The following PTPN13 variants were observed in gnomAD, a reference collection of about 807,000 sequenced individuals.
The protein encoded by PTPN13 is protein tyrosine phosphatase non-receptor type 13.
PTPN13 carries 191 observed loss-of-function variants against 284.0 expected under a neutral mutation model. The ratio of observed to expected loss-of-function variants is 0.67; its 90% CI spans 0.60 to 0.76. The LOEUF is 0.76. PTPN13 is among the 30% of genes least tolerant of loss of function. The pLI is 0.00. For missense variants in PTPN13, 2,797 were observed against 2,939.9 expected (o/e 0.95, Z 1.12); for synonymous variants, 986 against 1,022.3 (o/e 0.96, Z 0.68).
intron 2 of PTPN13, among the ~76,000 whole-genome samples, chr4:86,658,669 C>T (rs1402089341): frequency 6.6e-6 from 1 of 151,996 alleles, no homozygotes; most frequent in Non-Finnish European, 1.5e-5. Flanking sequence ...ATGAGAAGGT[C>T]CAACATACCT....
chr4:86,604,678 C>T (rs903210609), intron 1 of PTPN13, among the ~76,000 whole-genome samples: 11 of 151,728 alleles, frequency 7.2e-5, no homozygotes, highest in African/African-American at 2.2e-4. Context: ...CAGCATTATT[C>T]GACCATTTAA....
chr4:86,648,888 A>G (rs986247175), intron 2 of PTPN13, among the ~76,000 whole-genome samples: 1 of 152,150 alleles, frequency 6.6e-6, no homozygotes, highest in Non-Finnish European at 1.5e-5. Context: ...CCTCACCAAC[A>G]TTTATGATTG....
At position 86,751,044 on chromosome 4, in the gene PTPN13, G is replaced by A. The variant is rs772868411; in HGVS notation, c.3086G>A (p.Ser1029Asn). Residue 1029 changes from serine to asparagine, a missense_variant, in exon 19 of 48, where the codon AGT (serine) becomes AAT (asparagine). Coordinates refer to ENST00000411767, the MANE Select transcript of PTPN13 (RefSeq NM_080683.3). Reference sequence around the variant, plus strand: ...CTCTTCAGTTCAAAGTCTGTTGCGAGTTTAAATAGAAGTCCTGAAAGGAGG... The same window carrying A: ...CTCTTCAGTTCAAAGTCTGTTGCGAATTTAAATAGAAGTCCTGAAAGGAGG... ...TKLNNSKSVASLNRSPERRKH... is the reference protein window; with the variant it reads ...TKLNNSKSVANLNRSPERRKH... 38 of 1,607,804 alleles carry A rather than the reference G, an allele frequency of 2.4e-5. No individual in the cohort carries two copies. The highest frequency in any genetic ancestry group is 3.1e-5 in the Non-Finnish European group (36 of 1,174,914).
intron 2 of PTPN13, among the ~76,000 whole-genome samples, chr4:86,639,267 G>A (rs1415987361): frequency 6.6e-6 from 1 of 152,044 alleles, no homozygotes; most frequent in East Asian, 1.9e-4. Context: ...AAGTCAATGT[G>A]GCGATTCCTC....
At chr4:86,778,065 A>G (rs1740856741) in intron 35 of PTPN13, among the ~76,000 whole-genome samples, 1 of 152,140 alleles carries the variant, frequency 6.6e-6, no homozygotes, top group African/African-American at 2.4e-5. Context: ...CAGTCATGGT[A>G]GTCACAGTTA....
intron 1 of PTPN13, among the ~76,000 whole-genome samples, chr4:86,612,422 A>G (rs1720003567): frequency 1.3e-5 from 2 of 152,366 alleles, no homozygotes; most frequent in South Asian, 4.1e-4. Context: ...TGAACAGAAT[A>G]TCTGAGCTGT....
intron 15 of PTPN13, 68 bp downstream of exon 15, chr4:86,735,814 C>T: frequency 1.4e-6 from 2 of 1,426,624 alleles, no homozygotes; most frequent in East Asian, 2.3e-5. Context: ...TGTTAGAGGA[C>T]ACATATCTAA....
intron 2 of PTPN13, among the ~76,000 whole-genome samples, chr4:86,669,476 A>G (rs548742236): frequency 6.6e-6 from 1 of 152,206 alleles, no homozygotes; most frequent in African/African-American, 2.4e-5. Context: ...CATTAAAAAC[A>G]AAATACAACT....
intron 2 of PTPN13, among the ~76,000 whole-genome samples, chr4:86,667,925 T>G (rs1578376175): frequency 1.3e-5 from 2 of 151,936 alleles, no homozygotes; most frequent in African/African-American, 2.4e-5. Context: ...GTGTGGAAGA[T>G]GAAAAATAAG....
At chr4:86,743,739 G>A (rs1165090987) in intron 16 of PTPN13, among the ~76,000 whole-genome samples, 2 of 152,152 alleles carry the variant, frequency 1.3e-5, no homozygotes, top group Middle Eastern at 3.4e-3. Flanking sequence ...AATAACCAAG[G>A]CTAGAAATTG....
chr4:86,771,679 T>G, intron 31 of PTPN13, 144 bp downstream of exon 31: 3 of 928,456 alleles, frequency 3.2e-6, no homozygotes, highest in Non-Finnish European at 4.7e-6. Flanking sequence ...ATTGGATGTC[T>G]AGCTATTGTG....
chr4:86,750,690 T>G lies in PTPN13; in HGVS notation c.2871T>G (p.Ala957=). Residue 957 remains alanine (A), a synonymous_variant, in exon 18 of 48, where the codon GCT becomes GCG. Transcript: ENST00000411767. ...QNSSKEKNDK[A]SWEEKPREMS... ...GTTCAAAAGAGAAGAATGACAAAGC[T>G]TCATGGGAGGAAAAGCCTAGAGAGA... The G allele has an allele frequency of 6.2e-7, 1 of 1,613,870 alleles. No homozygotes were observed. Among genetic ancestry groups the G allele is most frequent in the Non-Finnish European group, 8.5e-7 (1 of 1,179,842 alleles).
rs572543375 is a variant in PTPN13, at chr4:86,701,463, C to G, written c.857C>G (p.Pro286Arg). The G allele has an allele frequency of 1.9e-6, 3 of 1,613,756 alleles. No individual in the cohort carries two copies. In the African/African-American group the frequency reaches 4.0e-5, roughly 22 times the overall value. ...QFKTSGPEKK[P>R]IPGIDVLSKK... ...AAAACTAGTGGCCCAGAAAAAAAAC[C>G]CATCCCTGGCATTGATGTGCTTTCT... Residue 286 changes from proline to arginine, a missense_variant, in exon 7 of 48, where the codon CCC becomes CGC. Pro to Arg is a moderately radical substitution (Grantham distance 103). Transcript: ENST00000411767.
At chr4:86,759,174 G>T in intron 23 of PTPN13, 101 bp downstream of exon 23, 1 of 1,255,412 alleles carries the variant, frequency 8.0e-7, no homozygotes, top group South Asian at 1.5e-5. Flanking sequence ...GTACAAAATT[G>T]ATGCAACTTA....
intron 35 of PTPN13, among the ~76,000 whole-genome samples, chr4:86,779,186 T>G (rs1201244762): frequency 1.3e-5 from 2 of 152,086 alleles, no homozygotes. Flanking sequence ...CTGGTTTATG[T>G]GGACAAGCCA....
intron 40 of PTPN13, among the ~76,000 whole-genome samples, chr4:86,792,618 A>G (rs1742817734): frequency 6.6e-6 from 1 of 152,234 alleles, no homozygotes; most frequent in African/African-American, 2.4e-5. Flanking sequence ...GAGAAAGGTC[A>G]GGTTGCCCAC....
chr4:86,796,620 A>T (rs1248272263), intron 40 of PTPN13, among the ~76,000 whole-genome samples: 3 of 152,218 alleles, frequency 2.0e-5, no homozygotes, highest in Non-Finnish European at 4.4e-5. Flanking sequence ...TAGCCCAGGC[A>T]ACAGACTCCA....
chr4:86,717,189 AT>A (rs35080587), intron 9 of PTPN13, 72 bp downstream of exon 9: 24,860 of 731,620 alleles, frequency 0.034, no homozygotes, highest in South Asian at 0.057. Flanking sequence ...ATTAAATGGA[AT>A]TTTTTTTTTT....
At chr4:86,625,448 C>T (rs543679966) in intron 1 of PTPN13, among the ~76,000 whole-genome samples, 2 of 152,114 alleles carry the variant, frequency 1.3e-5, no homozygotes, top group South Asian at 4.2e-4. Flanking sequence ...ATTAAATACC[C>T]TTTTTGGAAT....
Sources: allele counts gnomAD v4.1 joint callset (sites outside exome capture counted in the v4.1 genomes callset), GRCh38; gene constraint gnomAD v4.1.1; transcripts MANE v1.5; gene names NCBI Gene and HGNC (gene_info 2026-07-23, HGNC 2026-07-21).